The following SMYD4 variants were observed in gnomAD, a reference collection of about 807,000 sequenced individuals.
SMYD4 encodes the protein SET and MYND domain containing 4.
In SMYD4, 68 loss-of-function variants were observed where a neutral mutation model predicts 72.8. The observed-to-expected ratio is 0.93, with a 90% CI of 0.77 to 1.14. The LOEUF (loss-of-function observed/expected upper bound fraction) is 1.14, where lower values mean the gene tolerates loss of function less well. Ranked by LOEUF, SMYD4 falls within the 50% of genes most tolerant of loss-of-function variation. The pLI is 0.00. For synonymous variants in SMYD4, 407 were observed against 388.6 expected (o/e 1.05, Z -0.56); for missense variants, 984 against 1,003.7 (o/e 0.98, Z 0.27).
At chr17:1,817,425 C>T (rs9916357) in intron 2 of SMYD4, among the ~76,000 whole-genome samples, 108,017 of 151,900 alleles carry the variant, frequency 0.71, 39,362 homozygotes, top group Non-Finnish European at 0.79. Flanking sequence ...CCAGCCTTGA[C>T]TGACCTCCCA....
chr17:1,791,622 G>A (rs1255499550), intron 5 of SMYD4, among the ~76,000 whole-genome samples: 3 of 152,168 alleles, frequency 2.0e-5, no homozygotes, highest in South Asian at 4.1e-4. Flanking sequence ...GCTGGTGGGC[G>A]CGTCAGTGGA....
chr17:1,783,505 T>A (rs1225801200), intron 8 of SMYD4, 29 bp from the exon 9 acceptor site: 6 of 1,576,862 alleles, frequency 3.8e-6, no homozygotes, highest in Non-Finnish European at 5.2e-6. Context: ...GACGTCTCAC[T>A]ATAGACAGAA....
rs550178581 is a variant in SMYD4 at position 1,829,839 on chromosome 17, G to A, written c.-126C>T. 1,218 of 296,752 alleles carry A rather than the reference G, an allele frequency of 4.1e-3. 18 individuals carry two copies. Among genetic ancestry groups the A allele is most frequent in the African/African-American group, 0.025 (1,150 of 45,260 alleles). The allele number at this position is 296,752 out of a possible 1,614,324, so 18.4% of individuals were successfully genotyped here. A position where few individuals can be genotyped will look rare whatever the true frequency, so the allele number is the denominator to read the frequency against. On this transcript the variant is annotated 5_prime_UTR_variant, in exon 1 of 11. Coordinates refer to ENST00000305513, the MANE Select transcript of SMYD4 (RefSeq NM_052928.3). ...CGCGCAGCTCCTGGCGCGCCCCTTG[G>A]CGCCCCGCTCCGCCCCGCACCGCGT...
chr17:1,787,375 T>C lies in SMYD4; in HGVS notation c.1720+47A>G, dbSNP rs778868205. 8.6e-5 allele frequency: 133 copies of C among 1,548,478 alleles called. 2 individuals are homozygous for C. In the South Asian group the frequency reaches 1.6e-3, roughly 18 times the overall value. On this transcript the variant is annotated intron_variant, in intron 6 of 10. Transcript: ENST00000305513. ...GGCTTGCTGACTTGCGTCCCCGTCC[T>C]TTTCTGTTGGAGAAGGGCAGGATGG...
rs117559900 is a variant in SMYD4, at chr17:1,806,411, T to C, written c.280-1696A>G. 8.2e-3 allele frequency among the ~76,000 whole-genome samples: 1,254 copies of C among 152,310 alleles called. 10 individuals are homozygous for C. Among genetic ancestry groups the C allele is most frequent in the Middle Eastern group, 0.017 (5 of 294 alleles). On this transcript the variant is annotated intron_variant, in intron 3 of 10. Coordinates refer to ENST00000305513, the MANE Select transcript of SMYD4 (RefSeq NM_052928.3). ...AACTGGAAAAAATATCTGCAATTTATACTATAGGCAAAGAGCTAATTTCTT... is the reference window on the plus strand; with the variant it reads ...AACTGGAAAAAATATCTGCAATTTACACTATAGGCAAAGAGCTAATTTCTT...
chr17:1,798,485 G>A (rs1909524812), intron 5 of SMYD4, among the ~76,000 whole-genome samples: 2 of 152,096 alleles, frequency 1.3e-5, no homozygotes, highest in African/African-American at 2.4e-5. Context: ...AATTCGGGTT[G>A]AGTGCAGTGG....
At chr17:1,799,521 CACCAT>C (rs1372001916) in intron 5 of SMYD4, among the ~76,000 whole-genome samples, 1 of 151,638 alleles carries the variant, frequency 6.6e-6, no homozygotes, top group Non-Finnish European at 1.5e-5. Flanking sequence ...AGGCATGTAC[CACCAT>C]GCCCAGCTAA....
intron 2 of SMYD4, among the ~76,000 whole-genome samples, chr17:1,819,996 C>T (rs1293065411): frequency 6.6e-6 from 1 of 152,136 alleles, no homozygotes; most frequent in Non-Finnish European, 1.5e-5. Flanking sequence ...CCATGTTGGC[C>T]AGGCTGGTCT....
intron 2 of SMYD4, among the ~76,000 whole-genome samples, chr17:1,812,764 G>A (rs1451046675): frequency 6.6e-6 from 1 of 151,904 alleles, no homozygotes; most frequent in South Asian, 2.1e-4. Context: ...AGCCAGGCTG[G>A]TCTCGAACTC....
At chr17:1,802,050 A>T (rs547843128) in intron 4 of SMYD4, among the ~76,000 whole-genome samples, 1 of 152,140 alleles carries the variant, frequency 6.6e-6, no homozygotes, top group South Asian at 2.1e-4. Context: ...CAATCGACTT[A>T]ATTTCTGTGT....
intron 2 of SMYD4, among the ~76,000 whole-genome samples, chr17:1,816,606 C>A (rs574096781): frequency 1.4e-3 from 212 of 149,810 alleles, no homozygotes; most frequent in African/African-American, 5.1e-3. Flanking sequence ...GGCGACAAAG[C>A]GAGACTCTGT....
intron 2 of SMYD4, among the ~76,000 whole-genome samples, chr17:1,816,101 T>C (rs911604190): frequency 1.3e-5 from 2 of 152,122 alleles, no homozygotes; most frequent in African/African-American, 4.8e-5. Context: ...CATCATCCCA[T>C]GCTGAAACTC....
Position 1,800,386 on chromosome 17 carries a change from AG to A in SMYD4, c.1007del (p.Pro336LeufsTer17), listed in dbSNP as rs1909656823. The A allele has an allele frequency of 6.2e-7, 1 of 1,614,210 alleles. No individual in the cohort carries two copies. On this transcript the variant is annotated frameshift_variant, in exon 5 of 11. Coordinates refer to ENST00000305513, the MANE Select transcript of SMYD4 (RefSeq NM_052928.3). LOFTEE classifies it high-confidence loss of function. Reference protein sequence around the residue: ...AWELYHRTECPLGGLLLTLGV... With the variant: ...AWELYHRTECXLGGLLLTLGV... Reference sequence around the variant, plus strand: ...CCAGTGTGAGAAGCAGCCCTCCCAGAGGACATTCTGTCCTGTGGTAGAGCTC... The same window carrying A: ...CCAGTGTGAGAAGCAGCCCTCCCAGAGACATTCTGTCCTGTGGTAGAGCTC...
intron 9 of SMYD4, 72 bp downstream of exon 9, chr17:1,783,288 C>T: frequency 6.2e-7 from 1 of 1,610,538 alleles, no homozygotes; most frequent in Non-Finnish European, 8.5e-7. Flanking sequence ...ACCAGGCAGA[C>T]AAGGCCGGGG....
intron 7 of SMYD4, among the ~76,000 whole-genome samples, chr17:1,785,439 GA>G (rs56261871): frequency 0.059 from 7,315 of 124,454 alleles, 631 homozygotes; most frequent in African/African-American, 0.2. Flanking sequence ...AAAAGAAAAA[GA>G]AAAAAAAAAA....
At chr17:1,784,054 C>T (rs901110051) in intron 8 of SMYD4, among the ~76,000 whole-genome samples, 1 of 152,220 alleles carries the variant, frequency 6.6e-6, no homozygotes, top group Non-Finnish European at 1.5e-5. Flanking sequence ...CGGATGTCAG[C>T]GATGACCCGT....
At chr17:1,820,363 C>T (rs1291505071) in intron 2 of SMYD4, among the ~76,000 whole-genome samples, 1 of 151,988 alleles carries the variant, frequency 6.6e-6, no homozygotes, top group Non-Finnish European at 1.5e-5. Context: ...CCTCAGCCTC[C>T]CAAATAGCTA....
intron 2 of SMYD4, among the ~76,000 whole-genome samples, chr17:1,813,559 T>A (rs1910441341): frequency 6.6e-6 from 1 of 151,540 alleles, no homozygotes; most frequent in Non-Finnish European, 1.5e-5. Flanking sequence ...TAGCTAGGAG[T>A]GTGAGCCACC....
At chr17:1,788,511 C>T (rs892796975) in intron 5 of SMYD4, among the ~76,000 whole-genome samples, 5 of 147,338 alleles carry the variant, frequency 3.4e-5, no homozygotes, top group Admixed American at 6.6e-5. Flanking sequence ...TTTGGGAGGC[C>T]GAGGCGGGCA....
Sources: allele counts gnomAD v4.1 joint callset (sites outside exome capture counted in the v4.1 genomes callset), GRCh38; gene constraint gnomAD v4.1.1; transcripts MANE v1.5; gene names NCBI Gene and HGNC (gene_info 2026-07-23, HGNC 2026-07-21).